Variants in TIMM23B observed in about 807,000 individuals in gnomAD.
The protein encoded by TIMM23B is translocase of inner mitochondrial membrane 23 homolog B.
Under a neutral mutation model 27.3 loss-of-function variants are expected in TIMM23B, and 27 were observed. The ratio of observed to expected loss-of-function variants is 0.99; its 90% confidence interval spans 0.73 to 1.36. TIMM23B has a LOEUF of 1.36. Ranked by LOEUF, TIMM23B falls within the 40% of genes most tolerant of loss-of-function variation. The pLI, the probability that TIMM23B is intolerant of heterozygous loss-of-function variation, is 0.00. For synonymous variants in TIMM23B, 73 were observed against 92.4 expected (o/e 0.79, Z 1.21); for missense variants, 205 against 244.2 (o/e 0.84, Z 1.07).
At chr10:49,968,058 G>C (rs1375978119) in intron 6 of TIMM23B, among the ~76,000 whole-genome samples, 1 of 152,170 alleles carries the variant, frequency 6.6e-6, no homozygotes, top group Non-Finnish European at 1.5e-5. Flanking sequence ...TTACTGGCTT[G>C]AGTGCTGCCC....
chr10:49,942,355 A>C, intron 1 of TIMM23B, 55 bp downstream of exon 1: 1 of 1,566,084 alleles, frequency 6.4e-7, no homozygotes, highest in East Asian at 2.4e-5. Context: ...CGTTTACACT[A>C]AAGTTGCGCG....
At chr10:49,961,764 T>C (rs1282340947) in intron 6 of TIMM23B, among the ~76,000 whole-genome samples, 2 of 151,040 alleles carry the variant, frequency 1.3e-5, no homozygotes, top group African/African-American at 4.9e-5. Context: ...CACACCCAGC[T>C]AATTTTTTTC....
At chr10:49,970,740 G>A (rs1392165472) in intron 6 of TIMM23B, among the ~76,000 whole-genome samples, 123 of 151,186 alleles carry the variant, frequency 8.1e-4, no homozygotes, top group African/African-American at 2.9e-3. Context: ...CTGCCGCCCC[G>A]TCTGGGAGGT....
intron 6 of TIMM23B, among the ~76,000 whole-genome samples, chr10:49,962,526 A>G (rs1839955465): frequency 1.3e-5 from 2 of 152,126 alleles, no homozygotes; most frequent in Admixed American, 6.5e-5. Flanking sequence ...AAGTGGCTCT[A>G]TCTTCTCTGT....
chr10:49,960,814 T>C (rs1237133151), intron 6 of TIMM23B, among the ~76,000 whole-genome samples: 7 of 152,310 alleles, frequency 4.6e-5, no homozygotes, highest in African/African-American at 1.7e-4. Context: ...GATGTATCTG[T>C]TTGATTATAT....
chr10:49,959,027 C>G (rs1347379761), intron 6 of TIMM23B, among the ~76,000 whole-genome samples: 1 of 152,168 alleles, frequency 6.6e-6, no homozygotes, highest in Non-Finnish European at 1.5e-5. Flanking sequence ...ATTTGGGTTG[C>G]TTCTACCTTT....
At position 49,958,367 on chromosome 10, in the gene TIMM23B, T is replaced by C; in HGVS notation, c.404-3T>C. ...TCACTGAGCACTTCCATTTCCTCTT[T>C]AGCGTTGCTCTATAGTGCATTTGGT... On this transcript the variant is annotated splice_polypyrimidine_tract_variant and splice_region_variant and intron_variant, in intron 5 of 6. Coordinates refer to ENST00000651259, the MANE Select transcript of TIMM23B (RefSeq NM_001290117.2). 6.2e-7 allele frequency: 1 copy of C among 1,613,804 alleles called. No individual in the cohort carries two copies. The highest frequency in any genetic ancestry group is 8.5e-7 in the Non-Finnish European group (1 of 1,179,744).
intron 6 of TIMM23B, among the ~76,000 whole-genome samples, chr10:49,967,381 T>C (rs1393738441): frequency 2.0e-5 from 3 of 152,218 alleles, no homozygotes; most frequent in Non-Finnish European, 2.9e-5. Flanking sequence ...GTTGAAGTTA[T>C]ATTTGTATTC....
At chr10:49,965,439 A>G (rs1840095523) in intron 6 of TIMM23B, among the ~76,000 whole-genome samples, 1 of 151,176 alleles carries the variant, frequency 6.6e-6, no homozygotes, top group Admixed American at 6.6e-5. Flanking sequence ...ATGAAATGAA[A>G]AAATGAAATA....
At chr10:49,955,141 A>G (rs1442291656) in intron 5 of TIMM23B, 81 bp downstream of exon 5, 20 of 1,417,750 alleles carry the variant, frequency 1.4e-5, no homozygotes, top group Non-Finnish European at 8.0e-6. Context: ...TGATCAACCC[A>G]TATTCTGGTC....
At chr10:49,942,978 G>C (rs1589023787) in intron 1 of TIMM23B, among the ~76,000 whole-genome samples, 1 of 152,192 alleles carries the variant, frequency 6.6e-6, no homozygotes, top group African/African-American at 2.4e-5. Flanking sequence ...TGTTCAACTA[G>C]ATAAATAGAA....
At chr10:49,949,406 G>A (rs1471880405) in intron 2 of TIMM23B, among the ~76,000 whole-genome samples, 9 of 151,908 alleles carry the variant, frequency 5.9e-5, no homozygotes, top group Admixed American at 1.3e-4. Context: ...GGTGTTCCTT[G>A]ATTTTTTTAC....
chr10:49,942,314 C>T lies in TIMM23B; in HGVS notation c.106+14C>T. 1.2e-6 allele frequency: 2 copies of T among 1,602,628 alleles called. No individual in the cohort carries two copies. The highest frequency in any genetic ancestry group is 1.3e-5 in the African/African-American group (1 of 74,654). On this transcript the variant is annotated intron_variant, in intron 1 of 6. Transcript: ENST00000651259. ...CTGGCGTCCCGCGTAAGTATGGGGCCTAGCTTGCGATTATTTCTGACTGGT... is the reference window on the plus strand; with the variant it reads ...CTGGCGTCCCGCGTAAGTATGGGGCTTAGCTTGCGATTATTTCTGACTGGT...
chr10:49,966,354 A>T (rs868983928), intron 6 of TIMM23B, among the ~76,000 whole-genome samples: 4 of 151,896 alleles, frequency 2.6e-5, no homozygotes, highest in Non-Finnish European at 5.9e-5. Flanking sequence ...GCGAGTTTCC[A>T]TCTCGAAATG....
intron 1 of TIMM23B, 95 bp from the exon 2 acceptor site, chr10:49,944,937 A>C: frequency 6.6e-7 from 1 of 1,511,512 alleles, no homozygotes; most frequent in Non-Finnish European, 9.1e-7. Context: ...GCCTATAAAA[A>C]TTGCAAACAC....
chr10:49,970,943 A>T (rs1840415590), intron 6 of TIMM23B, among the ~76,000 whole-genome samples: 1 of 152,300 alleles, frequency 6.6e-6, no homozygotes, highest in East Asian at 1.9e-4. Flanking sequence ...GTCTGTGTGG[A>T]GGGAAGTAGA....
chr10:49,973,198 T>C lies in TIMM23B; in HGVS notation c.*134T>C. 3 of 575,854 alleles carry C rather than the reference T, an allele frequency of 5.2e-6. No individual in the cohort carries two copies. Among genetic ancestry groups the C allele is most frequent in the South Asian group, 4.4e-5 (2 of 45,208 alleles). 35.7% of individuals were successfully genotyped at this position (575,854 alleles called of 1,614,324 possible). A position where few individuals can be genotyped will look rare whatever the true frequency, so the allele number is the denominator to read the frequency against. On this transcript the variant is annotated 3_prime_UTR_variant, in exon 7 of 7. Transcript: ENST00000651259. ...CTGACTTTTCCATGGAATGGACAAGTAGTAGTCTCTGTCAGAGCTACATTT... is the reference window on the plus strand; with the variant it reads ...CTGACTTTTCCATGGAATGGACAAGCAGTAGTCTCTGTCAGAGCTACATTT...
At chr10:49,970,356 C>T (rs191839873) in intron 6 of TIMM23B, 24 of 171,234 alleles carry the variant, frequency 1.4e-4, no homozygotes, top group South Asian at 1.2e-3. Flanking sequence ...AGGAGCGTCT[C>T]GGCCCGGCCA....
chr10:49,966,678 A>G (rs1211253700), intron 6 of TIMM23B, among the ~76,000 whole-genome samples: 17 of 152,106 alleles, frequency 1.1e-4, no homozygotes, highest in African/African-American at 3.9e-4. Flanking sequence ...TAAAAAAACT[A>G]GCCGGGCATG....
Sources: allele counts gnomAD v4.1 joint callset (sites outside exome capture counted in the v4.1 genomes callset), GRCh38; gene constraint gnomAD v4.1.1; transcripts MANE v1.5; gene names NCBI Gene and HGNC (gene_info 2026-07-23, HGNC 2026-07-21).